Variants in UQCC1 observed in about 807,000 individuals in gnomAD.
UQCC1 encodes the protein ubiquinol-cytochrome c reductase complex assembly factor 1.
A neutral mutation model predicts 48.0 loss-of-function variants in UQCC1; 38 were observed. The ratio of observed to expected loss-of-function variants is 0.79; its 90% CI spans 0.61 to 1.04. UQCC1 has a LOEUF of 1.04. Ranked by LOEUF, UQCC1 falls within the 50% of genes least tolerant of loss-of-function variation. The pLI is 0.00. For synonymous variants in UQCC1, 111 were observed against 129.2 expected, an observed-to-expected ratio of 0.86 and a Z score of 0.95; for missense variants, 368 against 381.8, an observed-to-expected ratio of 0.96 and a Z score of 0.30.
chr20:35,304,110 G>T, intron 9 of UQCC1, 41 bp from the exon 10 acceptor site: 1 of 1,612,418 alleles, frequency 6.2e-7, no homozygotes, highest in South Asian at 1.1e-5. Context: ...GACAGAGGCA[G>T]GGCAGAGGTG....
chr20:35,375,968 A>C (rs1475550636), intron 4 of UQCC1, among the ~76,000 whole-genome samples: 1 of 146,978 alleles, frequency 6.8e-6, no homozygotes, highest in Non-Finnish European at 1.5e-5. Context: ...AAAAAAAAAA[A>C]AGGAAAATTG....
At chr20:35,344,921 T>G (rs2061417324) in intron 7 of UQCC1, 1 of 152,240 alleles carries the variant, frequency 6.6e-6, no homozygotes, top group Non-Finnish European at 1.5e-5. Flanking sequence ...AGAGGCTGAC[T>G]GATTTCCAAT....
In UQCC1 at chr20:35,400,172, G is replaced by A. The variant is rs571995113; in HGVS notation, c.25-5976C>T. On this transcript the variant is annotated intron_variant, in intron 1 of 9. Coordinates refer to ENST00000374385, the MANE Select transcript of UQCC1 (RefSeq NM_018244.5). ...AACTCCTGATCTCAGGTGATCCACCGGCCTCGGCTTCCCAAAGTGCTGGGA... is the reference window on the plus strand; with the variant it reads ...AACTCCTGATCTCAGGTGATCCACCAGCCTCGGCTTCCCAAAGTGCTGGGA... Among the ~76,000 whole-genome samples, 394 of 151,796 alleles carry A rather than the reference G, an allele frequency of 2.6e-3. 2 individuals carry two copies. The highest frequency in any genetic ancestry group is 4.1e-3 in the Non-Finnish European group (277 of 67,922).
chr20:35,313,412 C>A (rs2146305165), intron 8 of UQCC1, among the ~76,000 whole-genome samples: 1 of 146,560 alleles, frequency 6.8e-6, no homozygotes, highest in South Asian at 2.2e-4. Context: ...TGAGATAGAT[C>A]CAAATGTCCT....
chr20:35,402,147 A>G (rs563730344), intron 1 of UQCC1, among the ~76,000 whole-genome samples: 1 of 152,304 alleles, frequency 6.6e-6, no homozygotes, highest in Non-Finnish European at 1.5e-5. Flanking sequence ...TTCCTTCAAA[A>G]ATTACTGAAT....
chr20:35,343,975 C>T (rs1302070240), intron 7 of UQCC1: 5 of 152,174 alleles, frequency 3.3e-5, no homozygotes, highest in African/African-American at 9.7e-5. Flanking sequence ...ATAGAAAAAA[C>T]GGCTGGATAA....
At chr20:35,403,971 C>T (rs917167126) in intron 1 of UQCC1, among the ~76,000 whole-genome samples, 3 of 152,154 alleles carry the variant, frequency 2.0e-5, no homozygotes, top group South Asian at 4.1e-4. Flanking sequence ...GGCGTGGTGG[C>T]TCATGCCTGT....
chr20:35,404,233 GT>G (rs1232069653), intron 1 of UQCC1, among the ~76,000 whole-genome samples: 1 of 152,184 alleles, frequency 6.6e-6, no homozygotes, highest in Non-Finnish European at 1.5e-5. Context: ...GCCAGGCGTG[GT>G]GGCGGGTGCC....
chr20:35,329,049 C>A (rs566068157), intron 7 of UQCC1, among the ~76,000 whole-genome samples: 1 of 152,176 alleles, frequency 6.6e-6, no homozygotes, highest in African/African-American at 2.4e-5. Context: ...TAAAACCATA[C>A]AAATTAATAA....
intron 8 of UQCC1, among the ~76,000 whole-genome samples, chr20:35,307,512 G>C (rs2060942810): frequency 6.6e-6 from 1 of 152,312 alleles, no homozygotes; most frequent in Non-Finnish European, 1.5e-5. Flanking sequence ...ACATTTTCTA[G>C]CTTGGACCTC....
At position 35,303,153 on chromosome 20, in the gene UQCC1, G is replaced by C. The variant is rs534707636; in HGVS notation, c.*782C>G. ...GGGAGGCCAAGACAGGAGACAGCAT[G>C]TTCCTCATTCAGTTCACTGGGAGTG... On this transcript the variant is annotated 3_prime_UTR_variant, in exon 10 of 10. Coordinates refer to ENST00000374385, the MANE Select transcript of UQCC1 (RefSeq NM_018244.5). 11 of 152,250 alleles carry C rather than the reference G, an allele frequency of 7.2e-5. No homozygotes were observed. The highest frequency in any genetic ancestry group is 1.6e-4 in the Non-Finnish European group (11 of 68,058). The allele number at this position is 152,250 out of a possible 1,614,324, so 9.4% of individuals were successfully genotyped here.
At chr20:35,394,294 A>T in intron 1 of UQCC1, 98 bp from the exon 2 acceptor site, 1 of 1,108,056 alleles carries the variant, frequency 9.0e-7, no homozygotes, top group Non-Finnish European at 1.3e-6. Context: ...AATTAGAAAT[A>T]TATATTTGGC....
intron 6 of UQCC1, among the ~76,000 whole-genome samples, chr20:35,363,044 A>G (rs970916421): frequency 1.3e-4 from 19 of 151,642 alleles, no homozygotes; most frequent in Middle Eastern, 3.4e-3. Context: ...AAAAAAAAAA[A>G]AAAAGAAAGA....
Position 35,303,722 on chromosome 20 carries a change from G to T in UQCC1, c.*213C>A. 1 of 633,012 alleles carries T rather than the reference G, an allele frequency of 1.6e-6. No individual in the cohort carries two copies. Among genetic ancestry groups the T allele is most frequent in the Non-Finnish European group, 2.7e-6 (1 of 372,194 alleles). The allele number at this position is 633,012 out of a possible 1,614,324, so 39.2% of individuals were successfully genotyped here. On this transcript the variant is annotated 3_prime_UTR_variant, in exon 10 of 10. Coordinates refer to ENST00000374385, the MANE Select transcript of UQCC1 (RefSeq NM_018244.5). ...CTTCCCCTAAGGGAGAGGACACCCC[G>T]GGAGAGCTAGGGGTTCTCCCAGCCC...
chr20:35,354,545 C>T (rs776029767), intron 6 of UQCC1, among the ~76,000 whole-genome samples: 1 of 152,076 alleles, frequency 6.6e-6, no homozygotes, highest in African/African-American at 2.4e-5. Flanking sequence ...TACAGGTGCC[C>T]GCCACCACAC....
intron 7 of UQCC1, among the ~76,000 whole-genome samples, chr20:35,327,626 G>GA (rs2061209582): frequency 6.6e-6 from 1 of 152,194 alleles, no homozygotes; most frequent in Non-Finnish European, 1.5e-5. Context: ...ATCCCAGGTA[G>GA]AAGCCATATG....
intron 1 of UQCC1, among the ~76,000 whole-genome samples, chr20:35,404,408 C>G (rs1274242214): frequency 6.9e-6 from 1 of 144,040 alleles, no homozygotes; most frequent in African/African-American, 2.6e-5. Context: ...GGCATGGTGG[C>G]AGGCGCCTGT....
intron 6 of UQCC1, among the ~76,000 whole-genome samples, chr20:35,362,617 C>T (rs1192786048): frequency 6.6e-6 from 1 of 152,138 alleles, no homozygotes; most frequent in African/African-American, 2.4e-5. Context: ...CCTCAGCCTC[C>T]CAAAGTGCTG....
intron 1 of UQCC1, among the ~76,000 whole-genome samples, chr20:35,411,363 G>A (rs183352279): frequency 4.7e-4 from 72 of 152,306 alleles, no homozygotes; most frequent in Admixed American, 1.8e-3. Flanking sequence ...CAGACACCAT[G>A]CTAGGCAAAG....
Sources: gnomAD v4.1 joint callset for allele counts (sites outside exome capture counted in the v4.1 genomes callset) on GRCh38, gnomAD v4.1.1 for gene constraint, MANE v1.5 for transcripts, NCBI Gene and HGNC (gene_info 2026-07-23, HGNC 2026-07-21) for gene names.